Variants in RBFOX1 observed in about 807,000 individuals in gnomAD.
RBFOX1 encodes the protein RNA binding protein fox-1 homolog 1.
Under a neutral mutation model 57.7 loss-of-function variants are expected in RBFOX1, and 8 were observed. That is an observed-to-expected ratio of 0.14 (90% CI 0.08 to 0.25). RBFOX1 has a LOEUF of 0.25. Among genes scored for constraint, RBFOX1 ranks in the 10% least tolerant of loss-of-function variants. The pLI is 1.00. For synonymous variants in RBFOX1, 326 were observed against 222.4 expected, an observed-to-expected ratio of 1.47 and a Z score of -4.15; for missense variants, 611 against 548.5, an observed-to-expected ratio of 1.11 and a Z score of -1.14.
intron 4 of RBFOX1, among the ~76,000 whole-genome samples, chr16:7,053,614 C>A (rs923760817): frequency 2.0e-5 from 3 of 152,122 alleles, no homozygotes; most frequent in African/African-American, 7.2e-5. Flanking sequence ...AAGTTAAGGA[C>A]GCAGTAGGTA....
At chr16:6,832,799 C>T (rs759247672) in intron 3 of RBFOX1, among the ~76,000 whole-genome samples, 3 of 152,164 alleles carry the variant, frequency 2.0e-5, no homozygotes, top group Non-Finnish European at 2.9e-5. Flanking sequence ...GGTGAGCAGC[C>T]CAGCTACTGT....
At chr16:7,180,297 A>G (rs989672243) in intron 4 of RBFOX1, among the ~76,000 whole-genome samples, 8 of 152,156 alleles carry the variant, frequency 5.3e-5, no homozygotes, top group Non-Finnish European at 1.0e-4. Flanking sequence ...GGAGGGTGCT[A>G]TAATTATTCC....
Position 5,702,300 on chromosome 16 carries a change from G to A in RBFOX1, c.318+103339G>A, listed in dbSNP as rs913320118. On this transcript the variant is annotated intron_variant, in intron 3 of 19. Transcript: ENST00000641259. Reference sequence around the variant, plus strand: ...ATGCCGGCAGGAGATAGAGCAAAAGGGGATGTGCCCCACACTTTTAAACCA... The same window carrying A: ...ATGCCGGCAGGAGATAGAGCAAAAGAGGATGTGCCCCACACTTTTAAACCA... Among the ~76,000 whole-genome samples, 3 of 152,146 alleles carry A rather than the reference G, an allele frequency of 2.0e-5. 1 individual carries two copies. In the South Asian group the frequency reaches 6.2e-4, roughly 32 times the overall value.
rs553815103 is a variant in RBFOX1 at position 6,750,905 on chromosome 16, A to C, written c.-16+96255A>C. 3.0e-4 allele frequency among the ~76,000 whole-genome samples: 45 copies of C among 152,280 alleles called. 2 individuals are homozygous for C. The South Asian group carries it at 9.3e-3, about 32-fold the overall frequency. Reference sequence around the variant, plus strand: ...TAGAAGATACAGTAGTGTTTTCTTCAGATTAGTGGGCTAGGGAAGTGCTCT... The same window carrying C: ...TAGAAGATACAGTAGTGTTTTCTTCCGATTAGTGGGCTAGGGAAGTGCTCT... On this transcript the variant is annotated intron_variant, in intron 3 of 15. Coordinates refer to ENST00000550418, the MANE Select transcript of RBFOX1 (RefSeq NM_018723.4).
At chr16:5,562,084 T>A (rs781137966) in intron 2 of RBFOX1, among the ~76,000 whole-genome samples, 3 of 152,176 alleles carry the variant, frequency 2.0e-5, no homozygotes, top group Admixed American at 6.5e-5. Context: ...ATCTCGGCAC[T>A]CATTTTGTCT....
At chr16:6,449,336 T>G (rs2094546103) in intron 2 of RBFOX1, among the ~76,000 whole-genome samples, 1 of 152,238 alleles carries the variant, frequency 6.6e-6, no homozygotes, top group South Asian at 2.1e-4. Context: ...TCCAGATGTT[T>G]CAAAGGTCTG....
chr16:7,257,527 C>A (rs780152886), intron 4 of RBFOX1, among the ~76,000 whole-genome samples: 1 of 152,158 alleles, frequency 6.6e-6, no homozygotes, highest in Non-Finnish European at 1.5e-5. Context: ...GTAGCCCATG[C>A]TTTATCCAGT....
chr16:5,339,727 C>T (rs112829858), intron 1 of RBFOX1, among the ~76,000 whole-genome samples: 2 of 152,004 alleles, frequency 1.3e-5, no homozygotes, highest in African/African-American at 2.4e-5. Context: ...GATCCACCTG[C>T]CTCAAGTCCT....
chr16:7,644,697 A>G (rs2063425685), intron 11 of RBFOX1, among the ~76,000 whole-genome samples: 1 of 152,258 alleles, frequency 6.6e-6, no homozygotes, highest in Non-Finnish European at 1.5e-5. Context: ...GGACCAACAT[A>G]GAGTCCTCAG....
At position 6,173,604 on chromosome 16, in the gene RBFOX1, C is replaced by CTTTTTTTTTTT. The variant is rs35528338; in HGVS notation, c.-126-143378_-126-143368dup. On this transcript the variant is annotated intron_variant, in intron 1 of 15. Transcript: ENST00000550418. ...GTATGGAGTGGACACTGACCACTCC[C>CTTTTTTTTTTT]TTTTTTTTTTTTTTTTTTTTTTTGA... Among the ~76,000 whole-genome samples the CTTTTTTTTTTT allele has an allele frequency of 3.1e-4, 22 of 70,950 alleles. 4 individuals carry two copies. Among genetic ancestry groups the CTTTTTTTTTTT allele is most frequent in the African/African-American group, 1.0e-3 (17 of 17,056 alleles). The allele number at this position is 70,950 out of a possible 152,430, so 46.5% of individuals were successfully genotyped here.
chr16:7,443,420 A>G (rs181915725), intron 4 of RBFOX1, among the ~76,000 whole-genome samples: 3 of 151,018 alleles, frequency 2.0e-5, no homozygotes, highest in East Asian at 3.9e-4. Context: ...TGGCTTCAAG[A>G]GCTCCCCCTC....
intron 1 of RBFOX1, among the ~76,000 whole-genome samples, chr16:5,456,973 G>A (rs1597143143): frequency 6.6e-6 from 1 of 152,242 alleles, no homozygotes; most frequent in East Asian, 1.9e-4. Flanking sequence ...TATGGGTGAA[G>A]TGGCTTAAAC....
intron 4 of RBFOX1, among the ~76,000 whole-genome samples, chr16:7,492,711 A>C (rs1291791520): frequency 1.3e-5 from 2 of 151,748 alleles, no homozygotes; most frequent in Admixed American, 1.3e-4. Context: ...TGGTAGTGGC[A>C]TGATAGTGAA....
At chr16:7,212,553 A>T (rs548458895) in intron 4 of RBFOX1, among the ~76,000 whole-genome samples, 2 of 152,302 alleles carry the variant, frequency 1.3e-5, no homozygotes, top group East Asian at 3.9e-4. Flanking sequence ...CCTGGGCACG[A>T]ACATTTTTCC....
In RBFOX1 at chr16:6,304,528, C is replaced by T. The variant is rs539322907; in HGVS notation, c.-126-12467C>T. On this transcript the variant is annotated intron_variant, in intron 1 of 15. Transcript: ENST00000550418. ...ACTATCTTCCCTACAGAGCCGTATG[C>T]CTGAGGAGGGGAGACGAATGGCTGG... Among the ~76,000 whole-genome samples, 9 of 152,080 alleles carry T rather than the reference C, an allele frequency of 5.9e-5. No homozygotes were observed. In the South Asian group the frequency reaches 1.9e-3, roughly 32 times the overall value.
chr16:6,149,815 G>A (rs954410362), intron 1 of RBFOX1, among the ~76,000 whole-genome samples: 27 of 152,196 alleles, frequency 1.8e-4, no homozygotes, highest in African/African-American at 6.3e-4. Flanking sequence ...TTTGGAGAAC[G>A]TTTATGGCCT....
At chr16:6,795,919 C>G (rs34152595) in intron 3 of RBFOX1, among the ~76,000 whole-genome samples, 33,745 of 151,988 alleles carry the variant, frequency 0.22, 3,907 homozygotes, top group East Asian at 0.36. Flanking sequence ...TTGTGTTTAC[C>G]TGTCAGTGAA....
chr16:5,515,749 G>C (rs1005428250), intron 2 of RBFOX1, among the ~76,000 whole-genome samples: 1 of 152,132 alleles, frequency 6.6e-6, no homozygotes, highest in Non-Finnish European at 1.5e-5. Flanking sequence ...AAAGTATCAA[G>C]ACTGGTGAGA....
intron 3 of RBFOX1, among the ~76,000 whole-genome samples, chr16:6,895,486 A>G (rs112661724): frequency 0.21 from 19,568 of 91,496 alleles, 2,109 homozygotes; most frequent in African/African-American, 0.27. Flanking sequence ...ATATATATAT[A>G]TTTATTCCCC....
Sources: allele counts gnomAD v4.1 joint callset (sites outside exome capture counted in the v4.1 genomes callset), GRCh38; gene constraint gnomAD v4.1.1; transcripts MANE v1.5; gene names NCBI Gene and HGNC (gene_info 2026-07-23, HGNC 2026-07-21).